SNTG1: variants seen among roughly 807,000 people sequenced by gnomAD.
SNTG1 encodes the protein syntrophin gamma 1, also known as gamma-1-syntrophin.
A neutral mutation model predicts 74.7 loss-of-function variants in SNTG1; 39 were observed. The ratio of observed to expected loss-of-function variants is 0.52; its 90% confidence interval spans 0.40 to 0.68. The LOEUF is 0.68. SNTG1 is among the 30% of genes least tolerant of loss of function. The pLI, the probability that SNTG1 is intolerant of heterozygous loss-of-function variation, is 0.00. For missense variants in SNTG1, 685 were observed against 609.5 expected (o/e 1.12, Z -1.30); for synonymous variants, 254 against 217.1 (o/e 1.17, Z -1.49).
intron 1 of SNTG1, among the ~76,000 whole-genome samples, chr8:49,919,456 A>G (rs1806336837): frequency 6.6e-6 from 1 of 152,172 alleles, no homozygotes; most frequent in African/African-American, 2.4e-5. Flanking sequence ...ATGCTAGTGA[A>G]GAATCTACCC....
At chr8:50,716,586 C>T (rs1440393008) in intron 17 of SNTG1, among the ~76,000 whole-genome samples, 1 of 151,982 alleles carries the variant, frequency 6.6e-6, no homozygotes, top group Middle Eastern at 3.2e-3. Flanking sequence ...GTTTCCTAAT[C>T]TTCAAGTATT....
chr8:50,237,430 A>C (rs1174827626), intron 2 of SNTG1, among the ~76,000 whole-genome samples: 3 of 152,166 alleles, frequency 2.0e-5, no homozygotes, highest in African/African-American at 7.2e-5. Context: ...ATTGCTGATC[A>C]TTCATTAGAT....
intron 1 of SNTG1, among the ~76,000 whole-genome samples, chr8:50,047,046 T>C (rs1819150097): frequency 6.6e-6 from 1 of 152,172 alleles, no homozygotes; most frequent in Admixed American, 6.5e-5. Flanking sequence ...GTATTAAATT[T>C]TCTTAGAATA....
intron 2 of SNTG1, among the ~76,000 whole-genome samples, chr8:50,334,607 G>A (rs1214987521): frequency 6.6e-6 from 1 of 151,934 alleles, no homozygotes; most frequent in East Asian, 1.9e-4. Context: ...GACTAACCTG[G>A]GAGAACATGC....
intron 1 of SNTG1, among the ~76,000 whole-genome samples, chr8:50,019,011 A>G (rs77493490): frequency 0.01 from 1,549 of 152,152 alleles, 22 homozygotes; most frequent in East Asian, 0.047. Context: ...ATCCTAGCAA[A>G]AATAGAGATA....
At chr8:50,239,382 A>G (rs1336840789) in intron 2 of SNTG1, among the ~76,000 whole-genome samples, 1 of 152,212 alleles carries the variant, frequency 6.6e-6, no homozygotes, top group Admixed American at 6.5e-5. Context: ...CAGGAAACTT[A>G]CAATCATGGT....
chr8:50,573,269 C>T (rs1032013021), intron 12 of SNTG1, among the ~76,000 whole-genome samples: 7 of 151,946 alleles, frequency 4.6e-5, no homozygotes, highest in African/African-American at 1.4e-4. Context: ...ATCAATGCTG[C>T]TAAAAGTTAA....
chr8:50,669,994 T>C (rs1177937538), intron 15 of SNTG1, among the ~76,000 whole-genome samples: 3 of 151,814 alleles, frequency 2.0e-5, no homozygotes, highest in South Asian at 4.1e-4. Flanking sequence ...TTCAACAACG[T>C]TTCATGCTAA....
chr8:50,728,421 T>A (rs1466635741), intron 17 of SNTG1, among the ~76,000 whole-genome samples: 1 of 152,078 alleles, frequency 6.6e-6, no homozygotes, highest in African/African-American at 2.4e-5. Flanking sequence ...AGTCCTAAAA[T>A]GTTGAGGCCT....
intron 4 of SNTG1, among the ~76,000 whole-genome samples, chr8:50,414,249 TTAAAC>T (rs1461810998): frequency 6.6e-6 from 1 of 152,194 alleles, no homozygotes; most frequent in Non-Finnish European, 1.5e-5. Flanking sequence ...CAGATATTCT[TTAAAC>T]TAAATTCTCA....
At chr8:50,476,957 C>T (rs2093702092) in intron 8 of SNTG1, among the ~76,000 whole-genome samples, 1 of 151,580 alleles carries the variant, frequency 6.6e-6, no homozygotes, top group Admixed American at 6.6e-5. Context: ...TGAAAGAGGC[C>T]CCAATGGCCA....
intron 4 of SNTG1, among the ~76,000 whole-genome samples, chr8:50,422,904 A>G (rs1381292644): frequency 6.6e-6 from 1 of 152,144 alleles, no homozygotes; most frequent in African/African-American, 2.4e-5. Flanking sequence ...GCAAAGGGCT[A>G]TTACCATTTA....
chr8:50,153,239 A>G (rs1439369621), intron 1 of SNTG1, among the ~76,000 whole-genome samples: 2 of 152,128 alleles, frequency 1.3e-5, no homozygotes, highest in Admixed American at 6.6e-5. Context: ...TTCTTGTGCC[A>G]CGGTTTTCAG....
At chr8:50,411,864 C>T (rs981345702) in intron 4 of SNTG1, among the ~76,000 whole-genome samples, 17 of 152,226 alleles carry the variant, frequency 1.1e-4, no homozygotes, top group African/African-American at 3.1e-4. Context: ...GGGATTAGCC[C>T]GAGTTGGTCA....
In SNTG1 at chr8:50,056,846, A is replaced by G. The variant is rs545100826; in HGVS notation, c.-102-115715A>G. Among the ~76,000 whole-genome samples the G allele has an allele frequency of 2.6e-5, 4 of 152,294 alleles. No individual in the cohort carries two copies. In the South Asian group the frequency reaches 8.3e-4, roughly 32 times the overall value. The stretch of plus-strand genomic sequence containing the variant: ...CTGGAACAGCAGGACACTGGGCTGC[A>G]TTTGTTAGGATCAAGGGCAGGCATG... On this transcript the variant is annotated intron_variant, in intron 1 of 18. Transcript: ENST00000642720.
At chr8:50,705,439 G>T (rs965142411) in intron 16 of SNTG1, among the ~76,000 whole-genome samples, 4 of 152,052 alleles carry the variant, frequency 2.6e-5, no homozygotes, top group Non-Finnish European at 5.9e-5. Flanking sequence ...AATCATAAAA[G>T]TAATACATCT....
At chr8:50,000,388 T>C (rs1814631686) in intron 1 of SNTG1, among the ~76,000 whole-genome samples, 1 of 152,180 alleles carries the variant, frequency 6.6e-6, no homozygotes, top group Non-Finnish European at 1.5e-5. Flanking sequence ...TAGAAGTGCC[T>C]GTGTGTATTT....
At chr8:50,686,578 T>C (rs1396375) in intron 15 of SNTG1, among the ~76,000 whole-genome samples, 142,833 of 152,032 alleles carry the variant, frequency 0.94, 67,142 homozygotes, top group East Asian at 1. Context: ...TATGAATATT[T>C]ATTTGGTTTT....
At chr8:50,174,881 T>C (rs528537608) in intron 2 of SNTG1, among the ~76,000 whole-genome samples, 1 of 109,232 alleles carries the variant, frequency 9.2e-6, no homozygotes, top group Admixed American at 1.3e-4. Context: ...CCCACAACAG[T>C]CCCCGGTGTG....
Sources: allele counts gnomAD v4.1 joint callset (sites outside exome capture counted in the v4.1 genomes callset), GRCh38; gene constraint gnomAD v4.1.1; transcripts MANE v1.5; gene names NCBI Gene and HGNC (gene_info 2026-07-23, HGNC 2026-07-21).